Variants in VPS13B observed in about 807,000 individuals in gnomAD.
The protein encoded by VPS13B is vacuolar protein sorting 13 homolog B.
VPS13B carries 285 observed loss-of-function variants against 426.4 expected under a neutral mutation model. The observed-to-expected ratio is 0.67, with a 90% CI of 0.61 to 0.74. VPS13B has a LOEUF of 0.74. VPS13B is among the 30% of genes least tolerant of loss of function. The pLI is 0.00. For missense variants in VPS13B, 4,537 were observed against 4,782.6 expected (o/e 0.95, Z 1.51); for synonymous variants, 1,676 against 1,676.4 (o/e 1.00, Z 0.01).
intron 23 of VPS13B, among the ~76,000 whole-genome samples, chr8:99,448,790 T>C (rs1382444601): frequency 6.6e-6 from 1 of 152,202 alleles, no homozygotes; most frequent in Non-Finnish European, 1.5e-5. Flanking sequence ...AGTCATTTCC[T>C]CTCTTGTTCT....
At chr8:99,682,189 A>G (rs1309666592) in intron 35 of VPS13B, among the ~76,000 whole-genome samples, 1 of 152,164 alleles carries the variant, frequency 6.6e-6, no homozygotes, top group Non-Finnish European at 1.5e-5. Context: ...GTGCTGTCCA[A>G]GCATGGTGGC....
rs574023828 is a variant in VPS13B, at chr8:99,562,641, A to G, written c.4949+5988A>G. On this transcript the variant is annotated intron_variant, in intron 31 of 61. Coordinates refer to ENST00000357162, the MANE Select transcript of VPS13B (RefSeq NM_152564.5). ...TGTTGATGAGTTGTAAGAGTTCTTT[A>G]TTTATTCTAGATGCTATATCCTTAT... Among the ~76,000 whole-genome samples the G allele has an allele frequency of 4.3e-4, 66 of 152,160 alleles. No homozygotes were observed. The South Asian group carries it at 0.013, about 30-fold the overall frequency.
chr8:99,343,706 G>A (rs1811375977), intron 19 of VPS13B, among the ~76,000 whole-genome samples: 1 of 152,102 alleles, frequency 6.6e-6, no homozygotes, highest in African/African-American at 2.4e-5. Context: ...AGCAACAACA[G>A]CAACAACAAC....
At chr8:99,697,865 G>A (rs1832099202) in intron 35 of VPS13B, 1 of 547,484 alleles carries the variant, frequency 1.8e-6, no homozygotes, top group Non-Finnish European at 3.6e-6. Flanking sequence ...GAATGGCAAG[G>A]TCAACATCAA....
intron 23 of VPS13B, among the ~76,000 whole-genome samples, chr8:99,448,784 A>G (rs1563735984): frequency 6.6e-6 from 1 of 152,030 alleles, no homozygotes; most frequent in African/African-American, 2.4e-5. Flanking sequence ...ATCTTCAGTC[A>G]TTTCCTCTCT....
intron 39 of VPS13B, among the ~76,000 whole-genome samples, chr8:99,754,269 T>C (rs769625327): frequency 2.0e-5 from 3 of 152,114 alleles, no homozygotes; most frequent in Non-Finnish European, 4.4e-5. Flanking sequence ...TTAAATGATA[T>C]AGAAACTCAA....
intron 40 of VPS13B, among the ~76,000 whole-genome samples, chr8:99,768,212 T>A (rs1343175476): frequency 6.6e-6 from 1 of 152,224 alleles, no homozygotes; most frequent in African/African-American, 2.4e-5. Context: ...CTTCTCCTGA[T>A]GGGCTGGCTT....
At chr8:99,369,247 C>T (rs1265712687) in intron 19 of VPS13B, among the ~76,000 whole-genome samples, 1 of 151,980 alleles carries the variant, frequency 6.6e-6, no homozygotes, top group African/African-American at 2.4e-5. Context: ...ATAATTTGAA[C>T]ATAAATGTTA....
At chr8:99,481,935 G>A (rs1386089532) in intron 25 of VPS13B, 133 bp downstream of exon 25, 6 of 1,093,558 alleles carry the variant, frequency 5.5e-6, no homozygotes, top group Non-Finnish European at 8.0e-6. Context: ...GAGGAGCTGT[G>A]GCAGCAGTGA....
At chr8:99,360,120 A>T (rs138723825) in intron 19 of VPS13B, among the ~76,000 whole-genome samples, 2,914 of 62,368 alleles carry the variant, frequency 0.047, 329 homozygotes, top group African/African-American at 0.13. Context: ...TTTTTTCCTT[A>T]TCTTTCTTTC....
chr8:99,860,752 GCTCA>G (rs535324582), intron 57 of VPS13B, among the ~76,000 whole-genome samples: 121 of 152,294 alleles, frequency 7.9e-4, no homozygotes, highest in African/African-American at 2.0e-3. Flanking sequence ...GCTCAGTTTC[GCTCA>G]CTAAGATGTG....
At chr8:99,524,629 T>C (rs1411913809) in intron 30 of VPS13B, among the ~76,000 whole-genome samples, 1 of 152,104 alleles carries the variant, frequency 6.6e-6, no homozygotes, top group Non-Finnish European at 1.5e-5. Flanking sequence ...TTCGTCTCTA[T>C]AAAAAAACTT....
intron 34 of VPS13B, among the ~76,000 whole-genome samples, chr8:99,651,898 A>C (rs950729208): frequency 1.3e-5 from 2 of 152,162 alleles, no homozygotes; most frequent in Non-Finnish European, 2.9e-5. Context: ...CTTGTTACCC[A>C]TTAATGTGTG....
intron 17 of VPS13B, among the ~76,000 whole-genome samples, chr8:99,255,914 T>C (rs1369749737): frequency 1.3e-5 from 2 of 152,212 alleles, no homozygotes; most frequent in Non-Finnish European, 2.9e-5. Context: ...AGTCTTATTC[T>C]ACCCAGGCAG....
chr8:99,267,799 A>G (rs951010268), intron 17 of VPS13B, among the ~76,000 whole-genome samples: 4 of 152,138 alleles, frequency 2.6e-5, no homozygotes, highest in Admixed American at 6.5e-5. Context: ...AAAAATTTGC[A>G]TAAGTAATGA....
At chr8:99,302,999 GC>G (rs933805649) in intron 19 of VPS13B, among the ~76,000 whole-genome samples, 3 of 151,942 alleles carry the variant, frequency 2.0e-5, no homozygotes, top group Non-Finnish European at 4.4e-5. Context: ...GTTTAGAAGG[GC>G]CGGGTGTGGT....
At chr8:99,428,100 C>T (rs544599079) in intron 21 of VPS13B, among the ~76,000 whole-genome samples, 10 of 152,300 alleles carry the variant, frequency 6.6e-5, no homozygotes, top group African/African-American at 1.9e-4. Context: ...AAAGCTGAAA[C>T]TGGATCCCTT....
At chr8:99,640,270 T>C (rs1420789526) in intron 33 of VPS13B, among the ~76,000 whole-genome samples, 2 of 151,868 alleles carry the variant, frequency 1.3e-5, no homozygotes, top group East Asian at 1.9e-4. Flanking sequence ...TTTTTAAAAA[T>C]ATTTTTGTTT....
chr8:99,562,160 A>G (rs10955216), intron 31 of VPS13B, among the ~76,000 whole-genome samples: 26,750 of 152,020 alleles, frequency 0.18, 2,861 homozygotes, highest in East Asian at 0.39. Context: ...GTGGTACATC[A>G]TTGTGGTTTT....
Sources: gnomAD v4.1 joint callset for allele counts (sites outside exome capture counted in the v4.1 genomes callset) on GRCh38, gnomAD v4.1.1 for gene constraint, MANE v1.5 for transcripts, NCBI Gene and HGNC (gene_info 2026-07-23, HGNC 2026-07-21) for gene names.